The following NOS2 variants were observed in gnomAD, a reference collection of about 807,000 sequenced individuals.
NOS2 encodes the protein nitric oxide synthase 2.
A neutral mutation model predicts 136.0 loss-of-function variants in NOS2; 96 were observed. That is an observed-to-expected ratio of 0.71 (90% CI 0.60 to 0.84). NOS2 has a LOEUF of 0.84. NOS2 is among the 40% of genes least tolerant of loss of function. The pLI, the probability that NOS2 is intolerant of heterozygous loss-of-function variation, is 0.00. For synonymous variants in NOS2, 539 were observed against 587.5 expected (o/e 0.92, Z 1.20); for missense variants, 1,237 against 1,496.9 (o/e 0.83, Z 2.87).
intron 6 of NOS2, 51 bp from the exon 7 acceptor site, chr17:27,782,157 C>A (rs557358124): frequency 1.3e-6 from 2 of 1,529,802 alleles, no homozygotes; most frequent in Non-Finnish European, 1.8e-6. Context: ...TAGACAGAGG[C>A]TTTGAGGCTG....
At chr17:27,763,039 C>A (rs762988155) in intron 21 of NOS2, 34 bp from the exon 22 acceptor site, 6 of 1,431,066 alleles carry the variant, frequency 4.2e-6, no homozygotes, top group South Asian at 3.9e-5. Flanking sequence ...TGACTCAGGG[C>A]GCCTGTCCCG....
At position 27,757,817 on chromosome 17, in the gene NOS2, G is replaced by C. The variant is rs1285774438; in HGVS notation, c.3355-464C>G. ...GATGCCAACTGTCTACCGACCCACT[G>C]AACACATTTGGGGAAATGCCTGTTA... On this transcript the variant is annotated intron_variant, in intron 26 of 26. Transcript: ENST00000313735. Among the ~76,000 whole-genome samples the C allele has an allele frequency of 9.2e-5, 14 of 152,258 alleles. No individual in the cohort carries two copies. The East Asian group carries it at 2.7e-3, about 29-fold the overall frequency.
At chr17:27,788,752 C>T in intron 4 of NOS2, 57 bp downstream of exon 4, 1 of 1,577,356 alleles carries the variant, frequency 6.3e-7, no homozygotes, top group Non-Finnish European at 8.7e-7. Flanking sequence ...TCCACAAAGC[C>T]CTGGCAGCTT....
intron 10 of NOS2, 40 bp from the exon 11 acceptor site, chr17:27,778,831 G>T (rs1234586905): frequency 6.2e-7 from 1 of 1,613,056 alleles, no homozygotes; most frequent in Non-Finnish European, 8.5e-7. Flanking sequence ...GGTCCCTGAA[G>T]CCACCCCCAG....
chr17:27,774,864 C>G (rs1908612626), intron 11 of NOS2, among the ~76,000 whole-genome samples: 1 of 152,242 alleles, frequency 6.6e-6, no homozygotes, highest in African/African-American at 2.4e-5. Flanking sequence ...AGAGTCACTT[C>G]CATGGGGTTG....
At chr17:27,780,636 C>CA in intron 9 of NOS2, 131 bp downstream of exon 9, 1 of 1,177,056 alleles carries the variant, frequency 8.5e-7, no homozygotes. Flanking sequence ...CCTTGAAGGC[C>CA]AGCCCCCTGA....
intron 21 of NOS2, among the ~76,000 whole-genome samples, chr17:27,763,210 C>T (rs753173988): frequency 3.9e-5 from 6 of 152,196 alleles, no homozygotes; most frequent in Non-Finnish European, 7.3e-5. Context: ...ATTTATCTAA[C>T]TTGTGTTACC....
In NOS2 at chr17:27,764,023, G is replaced by A. The variant is rs1321709345; in HGVS notation, c.2550C>T (p.Ala850=). The A allele has an allele frequency of 1.2e-6, 2 of 1,613,682 alleles. No homozygotes were observed. Among genetic ancestry groups the A allele is most frequent in the Non-Finnish European group, 1.7e-6 (2 of 1,179,788 alleles). ...QLLLQKLAQV[A]TEEPERQRLE... ...GCCTCTGTCTCTCAGGCTCTTCTGT[G>A]GCCACCTGGGCCAGCTTTTGGAGCA... is the stretch of plus-strand genomic sequence containing the variant. Residue 850 remains alanine, a synonymous_variant, in exon 21 of 27, where the codon GCC becomes GCT. Transcript: ENST00000313735.
intron 11 of NOS2, among the ~76,000 whole-genome samples, chr17:27,777,309 G>A (rs1391019916): frequency 6.6e-6 from 1 of 152,240 alleles, no homozygotes; most frequent in East Asian, 1.9e-4. Flanking sequence ...CAGGGCATCT[G>A]TCAGCTTTGT....
At chr17:27,781,301 G>T in intron 7 of NOS2, 124 bp from the exon 8 acceptor site, 1 of 1,125,900 alleles carries the variant, frequency 8.9e-7, no homozygotes, top group Non-Finnish European at 1.2e-6. Context: ...AGCTGACTGA[G>T]CCAGCCTCCT....
chr17:27,795,730 G>C (rs1315658899), intron 2 of NOS2, among the ~76,000 whole-genome samples: 1 of 152,170 alleles, frequency 6.6e-6, no homozygotes, highest in Non-Finnish European at 1.5e-5. Flanking sequence ...CCTTCCTTGT[G>C]GATCGTTGGG....
In NOS2 at chr17:27,760,064, T is replaced by C; in HGVS notation, c.3125A>G (p.His1042Arg). Residue 1042 changes from histidine to arginine, a missense_variant, in exon 25 of 27, where the codon CAC (histidine) becomes CGC (arginine). By Grantham distance (29) the His-to-Arg change is conservative. Transcript: ENST00000313735. The part of the protein sequence containing the change: ...MAQKGVLHAV[H>R]TAYSRLPGKP... ...GCCAGGCAGGCGGGAATAGGCTGTGTGCACCGCATGCAGCACCCCCTTCTG... is the reference window on the plus strand; with the variant it reads ...GCCAGGCAGGCGGGAATAGGCTGTGCGCACCGCATGCAGCACCCCCTTCTG... The C allele has an allele frequency of 6.3e-7, 1 of 1,589,974 alleles. No homozygotes were observed.
intron 2 of NOS2, among the ~76,000 whole-genome samples, chr17:27,797,008 G>A (rs369673183): frequency 7.2e-5 from 11 of 152,092 alleles, no homozygotes; most frequent in South Asian, 4.1e-4. Flanking sequence ...CAGGGAGAGC[G>A]AGTCCAAATC....
intron 5 of NOS2, among the ~76,000 whole-genome samples, chr17:27,786,432 A>C (rs1366485773): frequency 6.6e-6 from 1 of 152,184 alleles, no homozygotes; most frequent in Non-Finnish European, 1.5e-5. Context: ...ATCTCAAAAA[A>C]CAAAAATAAA....
At chr17:27,793,552 C>T (rs897296993) in intron 2 of NOS2, 5 of 397,034 alleles carry the variant, frequency 1.3e-5, no homozygotes, top group African/African-American at 1.0e-4. Context: ...GAGCCCACCG[C>T]TTCCCTCCCA....
At chr17:27,790,059 C>CCCAG (rs1477075695) in intron 2 of NOS2, among the ~76,000 whole-genome samples, 1 of 152,166 alleles carries the variant, frequency 6.6e-6, no homozygotes, top group East Asian at 1.9e-4. Context: ...AGCAGCACTG[C>CCCAG]CCAGCAGCCA....
rs554738787 is a variant in NOS2, at chr17:27,763,478, T to C, written c.2593-473A>G. ...ATAATGGCGGTGGAGGTAGCTTAAA[T>C]TGAGATAATTAGCTATAATGATGAT... On this transcript the variant is annotated intron_variant, in intron 21 of 26. Transcript: ENST00000313735. 9.9e-5 allele frequency among the ~76,000 whole-genome samples: 15 copies of C among 152,274 alleles called. No homozygotes were observed. The South Asian group carries it at 3.1e-3, about 32-fold the overall frequency.
intron 18 of NOS2, among the ~76,000 whole-genome samples, chr17:27,767,475 T>G (rs796448388): frequency 6.6e-6 from 1 of 152,260 alleles, no homozygotes; most frequent in Non-Finnish European, 1.5e-5. Flanking sequence ...CAGTAGGCCC[T>G]TGGCGGATGC....
chr17:27,792,268 CTGTG>C (rs28998824), intron 2 of NOS2, among the ~76,000 whole-genome samples: 16 of 151,292 alleles, frequency 1.1e-4, no homozygotes, highest in African/African-American at 4.8e-5. Flanking sequence ...CTGATGCTGG[CTGTG>C]TGTGTGTGTG....
Sources: gnomAD v4.1 joint callset for allele counts (sites outside exome capture counted in the v4.1 genomes callset) on GRCh38, gnomAD v4.1.1 for gene constraint, MANE v1.5 for transcripts, NCBI Gene and HGNC (gene_info 2026-07-23, HGNC 2026-07-21) for gene names.